The following GCA variants were observed in gnomAD, a reference collection of about 807,000 sequenced individuals.
GCA encodes the protein grancalcin, EF-hand calcium-binding protein.
Under a neutral mutation model 32.6 loss-of-function variants are expected in GCA, and 30 were observed. That is an observed-to-expected ratio of 0.92 (90% CI 0.69 to 1.25). The LOEUF is 1.25. GCA is among the 50% of genes most tolerant of loss of function. The probability of loss-of-function intolerance (pLI) is 0.00; values close to 1 mark genes in which losing one functional copy is unlikely to be tolerated. For missense variants in GCA, 291 were observed against 266.8 expected (o/e 1.09, Z -0.63); for synonymous variants, 102 against 84.6 (o/e 1.21, Z -1.13).
chr2:162,341,878 G>C (rs1353662482), upstream of GCA, among the ~76,000 whole-genome samples: 3 of 152,198 alleles, frequency 2.0e-5, no homozygotes, highest in South Asian at 6.2e-4. Flanking sequence ...TTTCACATTT[G>C]TAAAGTGGGA....
chr2:162,335,197 A>AG (rs1684228333), intron 1 of GCA, among the ~76,000 whole-genome samples: 1 of 152,160 alleles, frequency 6.6e-6, no homozygotes, highest in African/African-American at 2.4e-5. Context: ...GGATCACTTG[A>AG]GGTCAGGAGT....
chr2:162,359,162 T>C lies in GCA; in HGVS notation c.568+5T>C. ...TGAAGCTTCGAGCATTGACAGGTAT[T>C]GACTATTTAAAACTAAGTGCACAGT... On this transcript the variant is annotated splice_donor_5th_base_variant and intron_variant, in intron 6 of 7. Transcript: ENST00000437150. 3 of 1,528,758 alleles carry C rather than the reference T, an allele frequency of 2.0e-6. No individual in the cohort carries two copies. The highest frequency in any genetic ancestry group is 2.7e-6 in the Non-Finnish European group (3 of 1,104,284). The allele number at this position is 1,528,758 out of a possible 1,614,324, so 94.7% of individuals were successfully genotyped here. A position where few individuals can be genotyped will look rare whatever the true frequency, so the allele number is the denominator to read the frequency against.
At chr2:162,340,886 T>G (rs971562926), upstream of GCA, among the ~76,000 whole-genome samples, 2 of 152,276 alleles carry the variant, frequency 1.3e-5, no homozygotes, top group East Asian at 1.9e-4. Flanking sequence ...TGCTCAAATC[T>G]TGCCTTTTCA....
At chr2:162,359,592 T>A in intron 7 of GCA, 40 bp downstream of exon 7, 1 of 1,007,480 alleles carries the variant, frequency 9.9e-7, no homozygotes, top group South Asian at 1.6e-5. Flanking sequence ...GCATTCTAGA[T>A]AGTTCTCAGT....
At chr2:162,344,358 C>A in intron 1 of GCA, 83 bp downstream of exon 1, 1 of 1,362,196 alleles carries the variant, frequency 7.3e-7, no homozygotes, top group Non-Finnish European at 1.0e-6. Flanking sequence ...CGGGTCCGCC[C>A]TTGGCTCCTG....
intron 1 of GCA, among the ~76,000 whole-genome samples, chr2:162,347,320 A>G (rs539967368): frequency 3.3e-5 from 5 of 152,246 alleles, no homozygotes; most frequent in Admixed American, 3.3e-4. Flanking sequence ...TGTTCCTCTT[A>G]GATTAAGTTC....
upstream of GCA, among the ~76,000 whole-genome samples, chr2:162,340,469 G>T (rs114669389): frequency 4.4e-3 from 666 of 152,218 alleles, 8 homozygotes; most frequent in African/African-American, 0.015. Context: ...ACCCTAGTAG[G>T]TCACCATCAT....
chr2:162,331,410 G>A (rs1177754505), intron 1 of GCA, among the ~76,000 whole-genome samples: 1 of 152,196 alleles, frequency 6.6e-6, no homozygotes, highest in Non-Finnish European at 1.5e-5. Context: ...CTATCCTATG[G>A]TTTGAATTAT....
chr2:162,344,375 G>A, intron 1 of GCA, 100 bp downstream of exon 1: 1 of 1,159,072 alleles, frequency 8.6e-7, no homozygotes. Flanking sequence ...CCTGCTCCCT[G>A]CGTCCGCGCC....
At chr2:162,330,882 C>T (rs1303661772) in intron 1 of GCA, among the ~76,000 whole-genome samples, 1 of 152,146 alleles carries the variant, frequency 6.6e-6, no homozygotes, top group Admixed American at 6.5e-5. Context: ...GGTTAGGTTC[C>T]TATGAGCCCC....
intron 5 of GCA, among the ~76,000 whole-genome samples, chr2:162,358,793 TAAG>T (rs1043956898): frequency 4.0e-5 from 6 of 151,458 alleles, no homozygotes; most frequent in Non-Finnish European, 5.9e-5. Flanking sequence ...GATAAATTCA[TAAG>T]AAGAGAATTA....
At chr2:162,325,154 T>G (rs1460097820) in intron 1 of GCA, among the ~76,000 whole-genome samples, 1 of 152,208 alleles carries the variant, frequency 6.6e-6, no homozygotes, top group African/African-American at 2.4e-5. Flanking sequence ...TGAAAGAAAT[T>G]AAACCTCTTA....
At chr2:162,329,105 G>GT (rs146091360) in intron 1 of GCA, among the ~76,000 whole-genome samples, 116 of 152,158 alleles carry the variant, frequency 7.6e-4, no homozygotes, top group Non-Finnish European at 1.4e-3. Context: ...GGTCTCGGGG[G>GT]TTTTTTTATA....
chr2:162,336,494 G>A (rs953267282), intron 1 of GCA, among the ~76,000 whole-genome samples: 1 of 151,974 alleles, frequency 6.6e-6, no homozygotes. Flanking sequence ...GCAAACTCTA[G>A]CCTAAAGATT....
At chr2:162,370,610 C>G (rs1685898111) in intron 4 of GCA, among the ~76,000 whole-genome samples, 1 of 152,028 alleles carries the variant, frequency 6.6e-6, no homozygotes, top group East Asian at 1.9e-4. Flanking sequence ...TAACTAAACA[C>G]AACTGAAATT....
At position 162,361,798 on chromosome 2, in the gene GCA, T is replaced by C; in HGVS notation, c.*1555T>C. ...CTGGGAAATTAAAGAAACAGAATTC[T>C]AATTAGAAGTGTTGTAGGAAAAAGC... On this transcript the variant is annotated 3_prime_UTR_variant, in exon 8 of 8. Transcript: ENST00000437150. 1.0e-6 allele frequency: 1 copy of C among 984,152 alleles called. No individual in the cohort carries two copies. The highest frequency in any genetic ancestry group is 1.2e-6 in the Non-Finnish European group (1 of 828,950). 61.0% of individuals were successfully genotyped at this position (984,152 alleles called of 1,614,324 possible).
At chr2:162,373,717 G>A (rs1686050830), downstream of GCA, 5 of 1,281,034 alleles carry the variant, frequency 3.9e-6, no homozygotes, top group Non-Finnish European at 5.1e-6. Flanking sequence ...AGAATTTCAG[G>A]AGCATTTAAA....
At chr2:162,371,642 T>G (rs771839703), downstream of GCA, 18 of 765,732 alleles carry the variant, frequency 2.4e-5, no homozygotes, top group Middle Eastern at 3.4e-4. Context: ...CCAAAAGTTC[T>G]TATGTATATT....
intron 5 of GCA, among the ~76,000 whole-genome samples, chr2:162,358,328 G>A (rs1430348807): frequency 1.3e-5 from 2 of 151,226 alleles, no homozygotes; most frequent in African/African-American, 4.8e-5. Context: ...TTTTAAAATA[G>A]GAGTAATCAA....
Sources: allele counts gnomAD v4.1 joint callset (sites outside exome capture counted in the v4.1 genomes callset), GRCh38; gene constraint gnomAD v4.1.1; transcripts MANE v1.5; gene names NCBI Gene and HGNC (gene_info 2026-07-23, HGNC 2026-07-21).